Variants in GLI3 observed in about 807,000 individuals in gnomAD.
The protein encoded by GLI3 is transcription activator GLI3.
Under a neutral mutation model 100.8 loss-of-function variants are expected in GLI3, and 20 were observed. The ratio of observed to expected loss-of-function variants is 0.20; its 90% CI spans 0.14 to 0.29. GLI3 has a LOEUF of 0.29. Ranked by LOEUF, GLI3 falls within the 10% of genes least tolerant of loss-of-function variation. GLI3 has a pLI of 1.00. For synonymous variants in GLI3, 938 were observed against 860.5 expected (o/e 1.09, Z -1.58); for missense variants, 2,040 against 2,128.5 (o/e 0.96, Z 0.82).
At chr7:42,168,758 C>T (rs924019104) in intron 2 of GLI3, among the ~76,000 whole-genome samples, 2 of 151,890 alleles carry the variant, frequency 1.3e-5, no homozygotes, top group South Asian at 2.1e-4. Context: ...CTCTAAAAAA[C>T]GTTTTAAAAA....
At chr7:42,223,072 T>G in intron 2 of GLI3, 58 bp downstream of exon 2, 1 of 1,591,666 alleles carries the variant, frequency 6.3e-7, no homozygotes, top group South Asian at 1.1e-5. Context: ...TCACAAGGAA[T>G]GCAGAGAACA....
At chr7:42,024,772 TTA>T (rs1789057507) in intron 9 of GLI3, among the ~76,000 whole-genome samples, 1 of 152,212 alleles carries the variant, frequency 6.6e-6, no homozygotes, top group African/African-American at 2.4e-5. Flanking sequence ...CTTAGGTTAG[TTA>T]TGTTTTCATC....
At position 42,072,073 on chromosome 7, in the gene GLI3, G is replaced by A. The variant is rs1784794693; in HGVS notation, c.473+4679C>T. ...GTTTTCGAAAGTGGATTAGTAAAGT[G>A]GATGGTGAAATGCAACAGCCTTTAT... On this transcript the variant is annotated intron_variant, in intron 4 of 14. Coordinates refer to ENST00000395925, the MANE Select transcript of GLI3 (RefSeq NM_000168.6). Among the ~76,000 whole-genome samples the A allele has an allele frequency of 2.0e-5, 3 of 152,214 alleles. No homozygotes were observed. The South Asian group carries it at 6.2e-4, about 32-fold the overall frequency.
chr7:41,999,916 G>A (rs550085813), intron 10 of GLI3, among the ~76,000 whole-genome samples: 4 of 152,142 alleles, frequency 2.6e-5, no homozygotes, highest in South Asian at 4.2e-4. Context: ...ACCAGCAGGG[G>A]AACTGAAAGC....
intron 2 of GLI3, among the ~76,000 whole-genome samples, chr7:42,168,402 C>T (rs1387674351): frequency 6.6e-6 from 1 of 152,144 alleles, no homozygotes. Context: ...AAACATGTAG[C>T]AGAATATTCA....
At chr7:42,133,472 C>T (rs1786344435) in intron 3 of GLI3, among the ~76,000 whole-genome samples, 1 of 152,122 alleles carries the variant, frequency 6.6e-6, no homozygotes, top group South Asian at 2.1e-4. Flanking sequence ...GCACCGAGTT[C>T]CCTCCAAACA....
Position 41,965,331 on chromosome 7 carries a change from G to T in GLI3, c.3742C>A (p.Pro1248Thr). The change falls in exon 15 of 15, where the codon CCC (proline) becomes ACC (threonine). Residue 1248 changes from proline to threonine, a missense_variant. Physicochemically the swap from Pro to Thr is conservative, Grantham distance 38. This residue lies in a region of GLI3 where 1,041 missense variants were observed against 924.0 expected (regional missense o/e 1.13). Transcript: ENST00000395925. ...TTCCCATACTGCGGGGCCTTACAGG[G>T]CTGTTCATGGAAGGCGTTTCCACTG... is the stretch of plus-strand genomic sequence containing the variant. ...GTSGNAFHEQ[P>T]CKAPQYGNCL... 6.2e-7 allele frequency: 1 copy of T among 1,613,824 alleles called. No homozygotes were observed. Among genetic ancestry groups the T allele is most frequent in the South Asian group, 1.1e-5 (1 of 91,056 alleles).
At chr7:41,999,634 G>A (rs373877303) in intron 10 of GLI3, among the ~76,000 whole-genome samples, 3 of 152,086 alleles carry the variant, frequency 2.0e-5, no homozygotes, top group South Asian at 2.1e-4. Context: ...CTCATCTGTC[G>A]CCGATGGATA....
intron 2 of GLI3, among the ~76,000 whole-genome samples, chr7:42,175,770 A>G (rs1428892128): frequency 6.6e-6 from 1 of 152,232 alleles, no homozygotes; most frequent in Non-Finnish European, 1.5e-5. Context: ...CATGATGTAT[A>G]ATAACACTAA....
At chr7:42,005,183 G>T (rs1325485920) in intron 10 of GLI3, among the ~76,000 whole-genome samples, 1 of 151,932 alleles carries the variant, frequency 6.6e-6, no homozygotes, top group Non-Finnish European at 1.5e-5. Flanking sequence ...AGTTGCCTCT[G>T]GTTTTAACTG....
intron 2 of GLI3, among the ~76,000 whole-genome samples, chr7:42,192,025 C>T (rs976929590): frequency 2.0e-5 from 3 of 146,812 alleles, no homozygotes; most frequent in Non-Finnish European, 3.0e-5. Context: ...AAAATTTAAA[C>T]TTCTACAATC....
intron 4 of GLI3, among the ~76,000 whole-genome samples, chr7:42,055,126 C>T (rs199954356): frequency 2.2e-4 from 30 of 137,572 alleles, no homozygotes; most frequent in Middle Eastern, 3.9e-3. Context: ...CATATATATA[C>T]ACATATATGT....
At chr7:42,250,805 G>A (rs1410813517) in intron 1 of GLI3, among the ~76,000 whole-genome samples, 1 of 152,214 alleles carries the variant, frequency 6.6e-6, no homozygotes, top group Admixed American at 6.5e-5. Context: ...GGCCAGCGGG[G>A]AGTTGGGAAA....
chr7:41,979,569 A>G (rs1406180937), intron 10 of GLI3, among the ~76,000 whole-genome samples: 1 of 152,216 alleles, frequency 6.6e-6, no homozygotes, highest in African/African-American at 2.4e-5. Flanking sequence ...AATCATTAGA[A>G]ACCTACTGCA....
chr7:42,240,106 A>G (rs569908889), upstream of GLI3, among the ~76,000 whole-genome samples: 11 of 152,310 alleles, frequency 7.2e-5, no homozygotes, highest in African/African-American at 2.2e-4. Context: ...AGACAATGCT[A>G]CAACCTTTGT....
At chr7:42,127,567 T>C (rs1488943861) in intron 3 of GLI3, among the ~76,000 whole-genome samples, 2 of 152,210 alleles carry the variant, frequency 1.3e-5, no homozygotes, top group African/African-American at 2.4e-5. Context: ...AGTGCCAACT[T>C]AAAATATTTA....
intron 1 of GLI3, among the ~76,000 whole-genome samples, chr7:42,259,148 G>C (rs10248882): frequency 6.6e-6 from 1 of 152,018 alleles, no homozygotes. Context: ...GAACGGTTTC[G>C]TTGTTTTTAG....
intron 2 of GLI3, among the ~76,000 whole-genome samples, chr7:42,162,203 G>C (rs562905690): frequency 1.8e-3 from 267 of 152,288 alleles, no homozygotes; most frequent in African/African-American, 5.9e-3. Flanking sequence ...ACTGTGGGGG[G>C]ATAGACCAGG....
At chr7:42,226,897 G>A (rs535301001) in intron 1 of GLI3, among the ~76,000 whole-genome samples, 40 of 152,280 alleles carry the variant, frequency 2.6e-4, no homozygotes, top group Middle Eastern at 3.4e-3. Context: ...GGAATAGTCA[G>A]GAGCTTGGAA....
Sources: gnomAD v4.1 joint callset for allele counts (sites outside exome capture counted in the v4.1 genomes callset) on GRCh38, gnomAD v4.1.1 for gene constraint, gnomAD v4.1.1 regional missense constraint, MANE v1.5 for transcripts, NCBI Gene and HGNC (gene_info 2026-07-23, HGNC 2026-07-21) for gene names.